The following INTS1 variants were observed in gnomAD, a reference collection of about 807,000 sequenced individuals.
The protein encoded by INTS1 is integrator complex subunit 1.
A neutral mutation model predicts 241.6 loss-of-function variants in INTS1; 137 were observed. The ratio of observed to expected loss-of-function variants is 0.57; its 90% confidence interval spans 0.49 to 0.65. The LOEUF (loss-of-function observed/expected upper bound fraction) is 0.65, where lower values mean the gene tolerates loss of function less well. Ranked by LOEUF, INTS1 falls within the 30% of genes least tolerant of loss-of-function variation. The pLI is 0.00. For synonymous variants in INTS1, 1,692 were observed against 1,337.8 expected, an observed-to-expected ratio of 1.26 and a Z score of -5.78; for missense variants, 3,073 against 3,032.2, an observed-to-expected ratio of 1.01 and a Z score of -0.32.
intron 39 of INTS1, among the ~76,000 whole-genome samples, chr7:1,475,149 C>T (rs1008489215): frequency 1.3e-5 from 2 of 152,210 alleles, no homozygotes; most frequent in Non-Finnish European, 2.9e-5. Context: ...TCTGTGAGGC[C>T]GCGGCAGAAG....
In INTS1 at chr7:1,470,907, C is replaced by T. The variant is rs1781432956; in HGVS notation, c.6396G>A (p.Gln2132=). 1 of 1,590,418 alleles carries T rather than the reference C, an allele frequency of 6.3e-7. No individual in the cohort carries two copies. Among genetic ancestry groups the T allele is most frequent in the East Asian group, 2.3e-5 (1 of 43,400 alleles). Residue 2132 remains glutamine (Q), a synonymous_variant, in exon 47 of 48, where the codon CAG becomes CAA. Transcript: ENST00000404767. ...LPTFMYCLGS[Q]DFEVVQTALR... ...GGGCCGTCTGCACCACCTCAAAGTC[C>T]TGGCTGCCCAGGCAGTACATGAACG...
chr7:1,480,509 C>T (rs1302797607), intron 29 of INTS1, 68 bp from the exon 30 acceptor site: 2 of 1,530,400 alleles, frequency 1.3e-6, no homozygotes, highest in Admixed American at 2.0e-5. Context: ...GGGAACTGTA[C>T]AAGCCATGGC....
At chr7:1,495,114 C>CAGTGGCCGAG (rs1782781387) in intron 13 of INTS1, among the ~76,000 whole-genome samples, 1 of 76,998 alleles carries the variant, frequency 1.3e-5, no homozygotes, top group African/African-American at 9.3e-5. Context: ...CCGGGCTGGA[C>CAGTGGCCGAG]AGCCCTTTAC....
In INTS1 at chr7:1,498,521, C is replaced by G. The variant is rs370274864; in HGVS notation, c.1316G>C (p.Gly439Ala). ...GAAGATCACCAACTTGATGGTGGTGCCCAGGTTGTCCTTGTGCGCGCTCAG... is the reference window on the plus strand; with the variant it reads ...GAAGATCACCAACTTGATGGTGGTGGCCAGGTTGTCCTTGTGCGCGCTCAG... Reference protein sequence around the residue: ...ELLSAHKDNLGTTIKLVIFNE... With the variant: ...ELLSAHKDNLATTIKLVIFNE... The change falls in exon 10 of 48, where the codon GGC (glycine) becomes GCC (alanine). Residue 439 changes from glycine (G) to alanine (A), a missense_variant. By Grantham distance (60) the Gly-to-Ala change is moderately conservative (BLOSUM62 0). Coordinates refer to ENST00000404767, the MANE Select transcript of INTS1 (RefSeq NM_001080453.3). 1 of 1,613,840 alleles carries G rather than the reference C, an allele frequency of 6.2e-7. No homozygotes were observed.
At chr7:1,471,527 G>A in intron 45 of INTS1, 44 bp downstream of exon 45, 1 of 1,595,148 alleles carries the variant, frequency 6.3e-7, no homozygotes, top group Non-Finnish European at 8.6e-7. Context: ...GGTTCCCCAA[G>A]GGAGTGGCTC....
Position 1,481,373 on chromosome 7 carries a change from G to C in INTS1, c.3819C>G (p.Pro1273=). Residue 1273 remains proline, a synonymous_variant, in exon 28 of 48, where the codon CCC becomes CCG. Coordinates refer to ENST00000404767, the MANE Select transcript of INTS1 (RefSeq NM_001080453.3). This position sits in a 1 kb window ranked among gnomAD's most constrained non-coding sequence, Gnocchi z 6.8. ...QFLDQAVAHD[P]QTLEQNIMDK... ...CCATGATGTTCTGCTCCAGAGTCTGGGGGTCGTGGGCCACTGCCTGGTCCA... is the reference window on the plus strand; with the variant it reads ...CCATGATGTTCTGCTCCAGAGTCTGCGGGTCGTGGGCCACTGCCTGGTCCA... 6.2e-7 allele frequency: 1 copy of C among 1,613,040 alleles called. No homozygotes were observed. Among genetic ancestry groups the C allele is most frequent in the African/African-American group, 1.3e-5 (1 of 75,036 alleles).
In INTS1 at chr7:1,489,409, G is replaced by A. The variant is rs1191647215; in HGVS notation, c.2258-5C>T. 1.5e-5 allele frequency: 15 copies of A among 1,014,886 alleles called. No homozygotes were observed. Among genetic ancestry groups the A allele is most frequent in the Admixed American group, 3.9e-5 (1 of 25,580 alleles). The allele number at this position is 1,014,886 out of a possible 1,614,324, so 62.9% of individuals were successfully genotyped here. The stretch of plus-strand genomic sequence containing the variant: ...ACTCCTCCCACGCAGCCAGGCCTAG[G>A]GAACCGGAGGGTGTGGGGCTGGCCA... On this transcript the variant is annotated splice_polypyrimidine_tract_variant and splice_region_variant and intron_variant, in intron 17 of 47. Transcript: ENST00000404767.
At position 1,499,147 on chromosome 7, in the gene INTS1, G is replaced by T; in HGVS notation, c.965C>A (p.Ala322Glu). The T allele has an allele frequency of 6.2e-7, 1 of 1,610,042 alleles. No individual in the cohort carries two copies. The change falls in exon 8 of 48, where the codon GCG becomes GAG. Residue 322 changes from alanine to glutamate, a missense_variant. Coordinates refer to ENST00000404767, the MANE Select transcript of INTS1 (RefSeq NM_001080453.3). ...CAGGACATACTCCTCCACGCTCTCC[G>T]CGAGCTCTTCGTACCTAGGCCAGAG... ...GQLMPRYEELAESVEEYVLDM... is the reference protein window; with the variant it reads ...GQLMPRYEELEESVEEYVLDM...
At chr7:1,485,558 A>G in intron 22 of INTS1, 89 bp from the exon 23 acceptor site, 1 of 1,367,884 alleles carries the variant, frequency 7.3e-7, no homozygotes, top group African/African-American at 1.4e-5. Context: ...TGGTGCCCTC[A>G]GAGCCCCGAG....
chr7:1,501,611 GATAA>G (rs1179344314), intron 3 of INTS1, among the ~76,000 whole-genome samples: 1 of 152,184 alleles, frequency 6.6e-6, no homozygotes, highest in Non-Finnish European at 1.5e-5. Context: ...TAGTGCTAAA[GATAA>G]ATAAAGCACC....
At chr7:1,498,656 C>T in intron 9 of INTS1, 51 bp downstream of exon 9, 4 of 1,533,478 alleles carry the variant, frequency 2.6e-6, no homozygotes, top group Non-Finnish European at 3.5e-6. Context: ...ACACCCCCAC[C>T]CACACCCCCA....
intron 30 of INTS1, among the ~76,000 whole-genome samples, chr7:1,480,045 G>A (rs570580474): frequency 1.2e-4 from 19 of 152,348 alleles, no homozygotes; most frequent in Non-Finnish European, 2.5e-4. Context: ...CGGGTGCCCC[G>A]CGCAGAGGGG....
chr7:1,499,693 A>G (rs1783060802), intron 5 of INTS1, 61 bp from the exon 6 acceptor site: 1 of 1,530,222 alleles, frequency 6.5e-7, no homozygotes, highest in Non-Finnish European at 8.8e-7. Context: ...GTTGGGGAAC[A>G]CCCGCCTGCT....
In INTS1 at chr7:1,478,903, C is replaced by T; in HGVS notation, c.4330-18G>A. Reference sequence around the variant, plus strand: ...ACACAGCGCTGCGGGGACAAAGTGGCACGTGGCTACCCTGGCAGAGGACAC... The same window carrying T: ...ACACAGCGCTGCGGGGACAAAGTGGTACGTGGCTACCCTGGCAGAGGACAC... On this transcript the variant is annotated intron_variant, in intron 31 of 47. Coordinates refer to ENST00000404767, the MANE Select transcript of INTS1 (RefSeq NM_001080453.3). 1 of 1,586,144 alleles carries T rather than the reference C, an allele frequency of 6.3e-7. No homozygotes were observed. Among genetic ancestry groups the T allele is most frequent in the Non-Finnish European group, 8.6e-7 (1 of 1,160,226 alleles).
chr7:1,475,154 CAGA>C (rs1251780930), intron 39 of INTS1, among the ~76,000 whole-genome samples: 7 of 152,306 alleles, frequency 4.6e-5, no homozygotes, highest in South Asian at 4.1e-4. Flanking sequence ...GAGGCCGCGG[CAGA>C]AGATCACCAG....
At chr7:1,474,663 T>C in intron 40 of INTS1, 42 bp downstream of exon 40, 2 of 1,538,060 alleles carry the variant, frequency 1.3e-6, no homozygotes, top group South Asian at 1.2e-5. Flanking sequence ...ACCCCCCTGG[T>C]TAAACCAGTG....
In INTS1 at chr7:1,486,672, G is replaced by A. The variant is rs779934391; in HGVS notation, c.2929C>T (p.Arg977Trp). ...GCCACCTGGGAGGAGCCGAGGCGCC[G>A]CAAGAAGTAGTCCAGCACCTCACAC... ...TTCEVLDYFL[R>W]RLGSSQVASR... Residue 977 changes from arginine to tryptophan, a missense_variant, in exon 22 of 48, where the codon CGG becomes TGG. Arg to Trp is a moderately radical substitution (Grantham distance 101). Coordinates refer to ENST00000404767, the MANE Select transcript of INTS1 (RefSeq NM_001080453.3). 3.7e-6 allele frequency: 6 copies of A among 1,612,006 alleles called. No homozygotes were observed. Among genetic ancestry groups the A allele is most frequent in the African/African-American group, 1.3e-5 (1 of 74,934 alleles).
chr7:1,499,649 C>T lies in INTS1; in HGVS notation c.685-17G>A, dbSNP rs1783057918. On this transcript the variant is annotated splice_polypyrimidine_tract_variant and intron_variant, in intron 5 of 47. Coordinates refer to ENST00000404767, the MANE Select transcript of INTS1 (RefSeq NM_001080453.3). Reference sequence around the variant, plus strand: ...GATGTACACCTGTGTGGCAGCCACACCCTCAGCCCCGAGCCCAGCCGGGCA... The same window carrying T: ...GATGTACACCTGTGTGGCAGCCACATCCTCAGCCCCGAGCCCAGCCGGGCA... 6.3e-7 allele frequency: 1 copy of T among 1,582,060 alleles called. No individual in the cohort carries two copies. The highest frequency in any genetic ancestry group is 8.6e-7 in the Non-Finnish European group (1 of 1,157,630).
At position 1,478,763 on chromosome 7, in the gene INTS1, A is replaced by C; in HGVS notation, c.4452T>G (p.Leu1484=). The change falls in exon 32 of 48, where the codon CTT becomes CTG. Residue 1484 remains leucine, a synonymous_variant. Coordinates refer to ENST00000404767, the MANE Select transcript of INTS1 (RefSeq NM_001080453.3). ...GGPLRAQLRM[L]ASQASAGRRL... is the part of the protein sequence containing the mutation. Reference sequence around the variant, plus strand: ...TGCGCCCGGCTGAGGCCTGGCTGGCAAGCATCCTGAGCTGTGCCCGCAGGG... The same window carrying C: ...TGCGCCCGGCTGAGGCCTGGCTGGCCAGCATCCTGAGCTGTGCCCGCAGGG... 3 of 1,597,600 alleles carry C rather than the reference A, an allele frequency of 1.9e-6. No individual in the cohort carries two copies. Among genetic ancestry groups the C allele is most frequent in the Non-Finnish European group, 2.6e-6 (3 of 1,172,460 alleles).
Sources: gnomAD v4.1 joint callset for allele counts (sites outside exome capture counted in the v4.1 genomes callset) on GRCh38, gnomAD v4.1.1 for gene constraint, Gnocchi (gnomAD v3.1) non-coding constraint, MANE v1.5 for transcripts, NCBI Gene and HGNC (gene_info 2026-07-23, HGNC 2026-07-21) for gene names.